ANKS1B: variants seen among roughly 807,000 people sequenced by gnomAD.
ANKS1B encodes ankyrin repeat and sterile alpha motif domain-containing protein 1B.
Under a neutral mutation model 148.3 loss-of-function variants are expected in ANKS1B, and 36 were observed. The observed-to-expected ratio is 0.24, with a 90% CI of 0.19 to 0.32. The LOEUF is 0.32. ANKS1B is among the 10% of genes least tolerant of loss of function. The pLI is 1.00. For missense variants in ANKS1B, 1,157 were observed against 1,542.6 expected (o/e 0.75, Z 4.19); for synonymous variants, 542 against 560.8 (o/e 0.97, Z 0.47).
At chr12:98,809,056 T>C (rs959293971) in intron 19 of ANKS1B, among the ~76,000 whole-genome samples, 3 of 152,166 alleles carry the variant, frequency 2.0e-5, no homozygotes, top group African/African-American at 7.2e-5. Context: ...CTCTCTCTAG[T>C]TACAACTGCA....
At chr12:99,335,388 G>T (rs1298072413) in intron 12 of ANKS1B, among the ~76,000 whole-genome samples, 2 of 151,342 alleles carry the variant, frequency 1.3e-5, no homozygotes, top group East Asian at 1.9e-4. Context: ...TTACTTTTAA[G>T]TATACAATAA....
At chr12:98,857,442 G>C (rs1296082913) in intron 17 of ANKS1B, among the ~76,000 whole-genome samples, 1 of 152,112 alleles carries the variant, frequency 6.6e-6, no homozygotes, top group Non-Finnish European at 1.5e-5. Flanking sequence ...AGCTTGAGGA[G>C]GGAGAGTGGG....
At chr12:99,063,267 C>T (rs141233770) in intron 16 of ANKS1B, among the ~76,000 whole-genome samples, 2 of 152,276 alleles carry the variant, frequency 1.3e-5, no homozygotes, top group African/African-American at 4.8e-5. Flanking sequence ...AGGTACTTCC[C>T]TCTATTCTGG....
chr12:98,895,309 G>A (rs1159262235), intron 17 of ANKS1B: 1 of 985,154 alleles, frequency 1.0e-6, no homozygotes, highest in Non-Finnish European at 1.2e-6. Context: ...TCGCTCCTCC[G>A]CCGCCCCCTC....
intron 15 of ANKS1B, among the ~76,000 whole-genome samples, chr12:99,096,662 T>C (rs778470081): frequency 2.0e-5 from 3 of 152,200 alleles, no homozygotes; most frequent in Non-Finnish European, 4.4e-5. Flanking sequence ...TCCTTGTCCT[T>C]TGTATAGCAT....
At chr12:99,423,264 CA>C (rs1206008819) in intron 11 of ANKS1B, among the ~76,000 whole-genome samples, 1 of 152,108 alleles carries the variant, frequency 6.6e-6, no homozygotes, top group African/African-American at 2.4e-5. Context: ...TAGAGAAATG[CA>C]AATCAAAACC....
intron 9 of ANKS1B, among the ~76,000 whole-genome samples, chr12:99,586,787 G>C (rs2097646307): frequency 6.6e-6 from 1 of 152,164 alleles, no homozygotes; most frequent in African/African-American, 2.4e-5. Flanking sequence ...CGTGGTTGCA[G>C]GCAAAGAGTA....
At chr12:99,441,675 CT>C (rs976415134) in intron 11 of ANKS1B, among the ~76,000 whole-genome samples, 1 of 151,892 alleles carries the variant, frequency 6.6e-6, no homozygotes, top group Non-Finnish European at 1.5e-5. Context: ...AACTTTCTCA[CT>C]TATTTGTTTT....
chr12:99,717,244 G>T (rs2057448333), intron 8 of ANKS1B, among the ~76,000 whole-genome samples: 1 of 151,946 alleles, frequency 6.6e-6, no homozygotes, highest in Admixed American at 6.6e-5. Flanking sequence ...TTAAATTCCG[G>T]CCCTCAAACC....
At chr12:98,891,190 T>A (rs2099751923) in intron 17 of ANKS1B, among the ~76,000 whole-genome samples, 1 of 152,246 alleles carries the variant, frequency 6.6e-6, no homozygotes, top group Non-Finnish European at 1.5e-5. Flanking sequence ...CACTTTTGCT[T>A]CTGCTGGTTC....
intron 19 of ANKS1B, among the ~76,000 whole-genome samples, chr12:98,818,741 A>T (rs949078284): frequency 6.6e-5 from 10 of 152,192 alleles, no homozygotes; most frequent in African/African-American, 2.4e-4. Flanking sequence ...TACAATATAC[A>T]TTATATTCCT....
chr12:98,943,946 G>A (rs369245939), intron 17 of ANKS1B, among the ~76,000 whole-genome samples: 5 of 152,280 alleles, frequency 3.3e-5, no homozygotes, highest in East Asian at 1.9e-4. Flanking sequence ...ATGGCTTAGC[G>A]CCATCCCCTT....
intron 12 of ANKS1B, among the ~76,000 whole-genome samples, chr12:99,370,264 G>C (rs1056996562): frequency 6.6e-6 from 1 of 152,120 alleles, no homozygotes; most frequent in African/African-American, 2.4e-5. Flanking sequence ...TATGGATCTA[G>C]AGTGCTTGGC....
chr12:99,755,952 TAAG>T (rs1276255956), intron 8 of ANKS1B, among the ~76,000 whole-genome samples: 1 of 151,876 alleles, frequency 6.6e-6, no homozygotes. Flanking sequence ...CTCAAAATAA[TAAG>T]AGCCATATAT....
At chr12:99,487,354 G>A (rs1423087348) in intron 10 of ANKS1B, among the ~76,000 whole-genome samples, 1 of 152,148 alleles carries the variant, frequency 6.6e-6, no homozygotes, top group African/African-American at 2.4e-5. Flanking sequence ...ACAAACAGCT[G>A]TTTCAGTTTC....
chr12:99,929,610 C>T (rs1419079865), intron 1 of ANKS1B, among the ~76,000 whole-genome samples: 2 of 152,100 alleles, frequency 1.3e-5, no homozygotes, highest in African/African-American at 2.4e-5. Flanking sequence ...AGGTTTTCTT[C>T]TAGGGTTTTT....
chr12:99,670,878 A>T (rs1335293672), intron 8 of ANKS1B, among the ~76,000 whole-genome samples: 1 of 152,114 alleles, frequency 6.6e-6, no homozygotes, highest in Non-Finnish European at 1.5e-5. Flanking sequence ...AGCTATTAGG[A>T]AAGGCATGGT....
At chr12:99,604,828 AAAAAG>A (rs1241052725) in intron 9 of ANKS1B, among the ~76,000 whole-genome samples, 10 of 151,330 alleles carry the variant, frequency 6.6e-5, no homozygotes, top group Admixed American at 1.3e-4. Flanking sequence ...AAAAAAAAAA[AAAAAG>A]AAAAGAAAAG....
rs1234038495 is a variant in ANKS1B at position 99,053,211 on chromosome 12, A to G, written c.2724T>C (p.Asn908=). The G allele has an allele frequency of 1.2e-6, 2 of 1,610,546 alleles. No homozygotes were observed. Among genetic ancestry groups the G allele is most frequent in the African/African-American group, 2.7e-5 (2 of 74,886 alleles). ...TCAACAGGTCCATCGAAGTGTAGCC[A>G]TTAATTAGAAAGGCTTTGGTGTAGT... ...LGDYTKAFLI[N]GYTSMDLLKK... Residue 908 remains asparagine, a synonymous_variant, in exon 17 of 27, where the codon AAT becomes AAC. Coordinates refer to ENST00000683438, the MANE Select transcript of ANKS1B (RefSeq NM_001352186.2).
Sources: allele counts gnomAD v4.1 joint callset (sites outside exome capture counted in the v4.1 genomes callset), GRCh38; gene constraint gnomAD v4.1.1; transcripts MANE v1.5; gene names NCBI Gene and HGNC (gene_info 2026-07-23, HGNC 2026-07-21).